The following NUP37 variants were observed in gnomAD, a reference collection of about 807,000 sequenced individuals.
NUP37 encodes the protein nucleoporin 37.
NUP37 carries 33 observed loss-of-function variants against 45.4 expected under a neutral mutation model. The observed-to-expected ratio is 0.73, with a 90% CI of 0.55 to 0.97. The LOEUF (loss-of-function observed/expected upper bound fraction) is 0.97. Ranked by LOEUF, NUP37 falls within the 50% of genes least tolerant of loss-of-function variation. The pLI, the probability that NUP37 is intolerant of heterozygous loss-of-function variation, is 0.00. For missense variants in NUP37, 365 were observed against 389.7 expected, an observed-to-expected ratio of 0.94 and a Z score of 0.53; for synonymous variants, 127 against 130.7, an observed-to-expected ratio of 0.97 and a Z score of 0.19.
chr12:102,086,067 A>C (rs1213424652), intron 5 of NUP37, among the ~76,000 whole-genome samples: 1 of 152,216 alleles, frequency 6.6e-6, no homozygotes. Flanking sequence ...AATCATGGAC[A>C]AAAGAGTCAC....
intron 5 of NUP37, 84 bp downstream of exon 5, chr12:102,099,022 G>T: frequency 1.1e-6 from 1 of 917,534 alleles, no homozygotes; most frequent in Non-Finnish European, 1.8e-6. Context: ...TTATGTAAAA[G>T]TCACATTTTT....
chr12:102,074,471 T>C lies in NUP37; in HGVS notation c.868-4A>G, dbSNP rs773183009. The C allele has an allele frequency of 1.7e-5, 27 of 1,558,860 alleles. No individual in the cohort carries two copies. In the East Asian group the frequency reaches 5.7e-4, roughly 33 times the overall value. ...CTACAGAACCCATGAGGATGGGCTA[T>C]AAAATATGTGAAGAATTAAAGAAGC... On this transcript the variant is annotated splice_region_variant and splice_polypyrimidine_tract_variant and intron_variant, in intron 9 of 9. Coordinates refer to ENST00000552283, the MANE Select transcript of NUP37 (RefSeq NM_024057.4).
intron 5 of NUP37, among the ~76,000 whole-genome samples, chr12:102,095,126 A>T (rs533313665): frequency 6.6e-6 from 1 of 152,214 alleles, no homozygotes; most frequent in East Asian, 1.9e-4. Flanking sequence ...TTTCTAATAT[A>T]CAAGAACATC....
At chr12:102,111,271 T>C (rs750654123) in intron 3 of NUP37, among the ~76,000 whole-genome samples, 4 of 152,190 alleles carry the variant, frequency 2.6e-5, no homozygotes, top group Non-Finnish European at 4.4e-5. Context: ...CAATGGTTGC[T>C]TCTGCAGGGA....
At chr12:102,098,396 AATCTT>A (rs1282005746) in intron 5 of NUP37, among the ~76,000 whole-genome samples, 3 of 152,190 alleles carry the variant, frequency 2.0e-5, no homozygotes, top group African/African-American at 7.2e-5. Context: ...ATTTTCCATC[AATCTT>A]ATGTAGCAGA....
chr12:102,081,074 C>G (rs9788185), intron 6 of NUP37, among the ~76,000 whole-genome samples: 22,997 of 152,146 alleles, frequency 0.15, 1,843 homozygotes, highest in Non-Finnish European at 0.18. Flanking sequence ...GGGCAAACGG[C>G]TTACCTTTCT....
At chr12:102,077,853 A>G (rs1400379476) in intron 6 of NUP37, among the ~76,000 whole-genome samples, 1 of 152,226 alleles carries the variant, frequency 6.6e-6, no homozygotes, top group Non-Finnish European at 1.5e-5. Context: ...AAGGTATCTC[A>G]TGTATATGCA....
At position 102,109,747 on chromosome 12, in the gene NUP37, C is replaced by G. The variant is rs937189302; in HGVS notation, c.281+2361G>C. ...AAAACACCAACCAGAAATGATGAAACACAGCAAATTCACTAAAAAGAGGAC... is the reference window on the plus strand; with the variant it reads ...AAAACACCAACCAGAAATGATGAAAGACAGCAAATTCACTAAAAAGAGGAC... On this transcript the variant is annotated intron_variant, in intron 3 of 9. Coordinates refer to ENST00000552283, the MANE Select transcript of NUP37 (RefSeq NM_024057.4). Among the ~76,000 whole-genome samples, 5 of 152,096 alleles carry G rather than the reference C, an allele frequency of 3.3e-5. No homozygotes were observed. In the South Asian group the frequency reaches 1.0e-3, roughly 32 times the overall value.
chr12:102,097,360 T>G (rs1238579576), intron 5 of NUP37, among the ~76,000 whole-genome samples: 2 of 152,204 alleles, frequency 1.3e-5, no homozygotes, highest in Non-Finnish European at 2.9e-5. Flanking sequence ...ATTAAATTTA[T>G]TTAAACTAAA....
intron 5 of NUP37, among the ~76,000 whole-genome samples, chr12:102,098,159 C>T (rs2136736880): frequency 6.6e-6 from 1 of 152,272 alleles, no homozygotes; most frequent in Admixed American, 6.5e-5. Context: ...CTTCCAATGA[C>T]TGATGCACTC....
At chr12:102,082,643 A>ATG (rs1879361525) in intron 6 of NUP37, among the ~76,000 whole-genome samples, 1 of 152,206 alleles carries the variant, frequency 6.6e-6, no homozygotes, top group Non-Finnish European at 1.5e-5. Context: ...TGAAACTGGG[A>ATG]TCTGACTCCA....
intron 2 of NUP37, among the ~76,000 whole-genome samples, chr12:102,117,819 T>C (rs988495331): frequency 1.3e-5 from 2 of 152,190 alleles, no homozygotes. Context: ...GGAGTAAACA[T>C]GTAGGCATTC....
At chr12:102,103,520 G>A (rs999829573) in intron 3 of NUP37, among the ~76,000 whole-genome samples, 1 of 152,116 alleles carries the variant, frequency 6.6e-6, no homozygotes, top group African/African-American at 2.4e-5. Flanking sequence ...ATAAGATCAT[G>A]TATCAGGAAA....
At chr12:102,081,585 A>C (rs148553020) in intron 6 of NUP37, among the ~76,000 whole-genome samples, 1 of 152,378 alleles carries the variant, frequency 6.6e-6, no homozygotes, top group East Asian at 1.9e-4. Context: ...TCTACAAAAT[A>C]CAATACTACT....
chr12:102,088,855 G>GCGGCCTT (rs1879554159), intron 5 of NUP37, among the ~76,000 whole-genome samples: 1 of 152,002 alleles, frequency 6.6e-6, no homozygotes, highest in African/African-American at 2.4e-5. Flanking sequence ...AGAGGTCCCT[G>GCGGCCTT]CGGCCTTCCG....
chr12:102,113,709 AG>A (rs1287873077), intron 2 of NUP37, among the ~76,000 whole-genome samples: 1 of 152,208 alleles, frequency 6.6e-6, no homozygotes, highest in Non-Finnish European at 1.5e-5. Context: ...ATAAAGTATC[AG>A]GGAAAAAATC....
At chr12:102,112,593 C>T (rs1487780110) in intron 2 of NUP37, among the ~76,000 whole-genome samples, 1 of 152,026 alleles carries the variant, frequency 6.6e-6, no homozygotes, top group Non-Finnish European at 1.5e-5. Flanking sequence ...GCTCTGGAGT[C>T]TGAGACCAGA....
Position 102,074,163 on chromosome 12 carries a change from C to T in NUP37, c.*191G>A, listed in dbSNP as rs11609618. ...GTAAGATTAAAAATATATATATATACACACACAGAGAACAGAGTAGAAAAA... is the reference window on the plus strand; with the variant it reads ...GTAAGATTAAAAATATATATATATATACACACAGAGAACAGAGTAGAAAAA... On this transcript the variant is annotated 3_prime_UTR_variant, in exon 10 of 10. Transcript: ENST00000552283. 0.046 allele frequency: 16,334 copies of T among 358,846 alleles called. 432 individuals carry two copies. Among genetic ancestry groups the T allele is most frequent in the South Asian group, 0.068 (1,137 of 16,756 alleles). 22.2% of individuals were successfully genotyped at this position (358,846 alleles called of 1,614,324 possible).
chr12:102,086,735 C>T (rs1321828004), intron 5 of NUP37, among the ~76,000 whole-genome samples: 3 of 152,146 alleles, frequency 2.0e-5, no homozygotes, highest in Admixed American at 6.5e-5. Flanking sequence ...AGAGTACAGC[C>T]GGTGACAGAA....
Sources: gnomAD v4.1 joint callset for allele counts (sites outside exome capture counted in the v4.1 genomes callset) on GRCh38, gnomAD v4.1.1 for gene constraint, MANE v1.5 for transcripts, NCBI Gene and HGNC (gene_info 2026-07-23, HGNC 2026-07-21) for gene names.